Variants in TBL1XR1 observed in about 807,000 individuals in gnomAD.
The protein encoded by TBL1XR1 is F-box-like/WD repeat-containing protein TBL1XR1.
Under a neutral mutation model 66.9 loss-of-function variants are expected in TBL1XR1, and 5 were observed. The observed-to-expected ratio is 0.07, with a 90% CI of 0.04 to 0.16. TBL1XR1 has a LOEUF of 0.16. TBL1XR1 is among the 10% of genes least tolerant of loss of function. TBL1XR1 has a pLI of 1.00. For synonymous variants in TBL1XR1, 210 were observed against 206.0 expected, an observed-to-expected ratio of 1.02 and a Z score of -0.17; for missense variants, 238 against 623.2, an observed-to-expected ratio of 0.38 and a Z score of 6.58.
intron 1 of TBL1XR1, among the ~76,000 whole-genome samples, chr3:177,186,031 A>T (rs911273196): frequency 6.6e-6 from 1 of 152,096 alleles, no homozygotes; most frequent in African/African-American, 2.4e-5. Context: ...ATAAATAAAT[A>T]TAAGTAAATA....
intron 10 of TBL1XR1, chr3:177,044,798 C>T (rs1716097676): frequency 6.6e-6 from 1 of 152,054 alleles, no homozygotes; most frequent in Non-Finnish European, 1.5e-5. Flanking sequence ...CTAAAGGGGA[C>T]AGAAAGAGCA....
intron 2 of TBL1XR1, among the ~76,000 whole-genome samples, chr3:177,082,412 A>G (rs138364761): frequency 1.5e-3 from 235 of 152,074 alleles, no homozygotes; most frequent in African/African-American, 5.1e-3. Context: ...TAAAAATCTT[A>G]TATCTTGTAA....
chr3:177,095,495 A>G (rs1346428193), intron 2 of TBL1XR1, among the ~76,000 whole-genome samples: 2 of 70,476 alleles, frequency 2.8e-5, no homozygotes, highest in African/African-American at 7.8e-5. Flanking sequence ...GTGCAATTAG[A>G]TTTTTTTTTT....
chr3:177,158,225 T>G (rs896603903), intron 1 of TBL1XR1, among the ~76,000 whole-genome samples: 7 of 43,626 alleles, frequency 1.6e-4, no homozygotes, highest in African/African-American at 3.4e-4. Flanking sequence ...GATTTGTTTC[T>G]TTTCTTTTTT....
intron 2 of TBL1XR1, among the ~76,000 whole-genome samples, chr3:177,083,443 A>G (rs1196960790): frequency 6.6e-6 from 1 of 152,264 alleles, no homozygotes; most frequent in African/African-American, 2.4e-5. Flanking sequence ...GTCACAGCTT[A>G]ATGCACAGGC....
chr3:177,151,649 G>A (rs1027226963), intron 1 of TBL1XR1, among the ~76,000 whole-genome samples: 1 of 152,204 alleles, frequency 6.6e-6, no homozygotes, highest in Non-Finnish European at 1.5e-5. Flanking sequence ...CAGGCTGAGT[G>A]TGAAATCAGC....
intron 1 of TBL1XR1, among the ~76,000 whole-genome samples, chr3:177,175,974 G>A (rs963407323): frequency 4.0e-5 from 6 of 151,178 alleles, no homozygotes; most frequent in African/African-American, 9.7e-5. Flanking sequence ...GGAGAATGGC[G>A]GGTGAACCCA....
chr3:177,115,308 T>TG (rs1726176119), intron 1 of TBL1XR1, among the ~76,000 whole-genome samples: 1 of 152,328 alleles, frequency 6.6e-6, no homozygotes, highest in African/African-American at 2.4e-5. Context: ...CTTCACCTGA[T>TG]GGAGTCAGGT....
chr3:177,174,159 C>T (rs1259600675), intron 1 of TBL1XR1, among the ~76,000 whole-genome samples: 2 of 151,980 alleles, frequency 1.3e-5, no homozygotes, highest in Non-Finnish European at 2.9e-5. Flanking sequence ...CACGCCTGTA[C>T]TCCCAGCACT....
chr3:177,182,272 T>C (rs11924747), intron 1 of TBL1XR1, among the ~76,000 whole-genome samples: 2,408 of 152,090 alleles, frequency 0.016, 54 homozygotes, highest in African/African-American at 0.055. Context: ...TAGTCCCAGA[T>C]ACTCAAGAGG....
At chr3:177,179,017 G>A (rs142532623) in intron 1 of TBL1XR1, among the ~76,000 whole-genome samples, 160 of 151,476 alleles carry the variant, frequency 1.1e-3, no homozygotes, top group African/African-American at 3.6e-3. Context: ...CTCGGGAGGC[G>A]GAGGCAAGAG....
rs1719747474 is a variant in TBL1XR1 at position 177,069,936 on chromosome 3, G to A, written c.-45-4914C>T. The stretch of plus-strand genomic sequence containing the variant: ...TGGTTTCAACTGTGATCTAAGCCAG[G>A]GATCTGCAAACTACAGCCTGTATGT... On this transcript the variant is annotated intron_variant, in intron 2 of 15. Transcript: ENST00000457928. 2.0e-5 allele frequency among the ~76,000 whole-genome samples: 3 copies of A among 152,126 alleles called. No individual in the cohort carries two copies. In the South Asian group the frequency reaches 6.2e-4, roughly 31 times the overall value.
At chr3:177,119,871 ACCACTGC>A (rs1726774233) in intron 1 of TBL1XR1, among the ~76,000 whole-genome samples, 1 of 152,186 alleles carries the variant, frequency 6.6e-6, no homozygotes, top group Admixed American at 6.5e-5. Context: ...TTGTAATGCA[ACCACTGC>A]CCTTGGTATT....
Position 177,133,006 on chromosome 3 carries a change from C to T in TBL1XR1, c.-121-34465G>A, listed in dbSNP as rs932631486. Among the ~76,000 whole-genome samples the T allele has an allele frequency of 3.9e-5, 6 of 152,210 alleles. No homozygotes were observed. The South Asian group carries it at 8.3e-4, about 21-fold the overall frequency. On this transcript the variant is annotated intron_variant, in intron 1 of 15. Coordinates refer to ENST00000457928, the MANE Select transcript of TBL1XR1 (RefSeq NM_024665.7). ...ATTTCACTACTTAAAATAAATGAAT[C>T]GGCCAGGTGCGGTGGCTCACGCCTG...
rs781587077 is a variant in TBL1XR1, at chr3:177,026,353, A to G, written c.1518+20T>C. 1.1e-5 allele frequency: 17 copies of G among 1,600,282 alleles called. No homozygotes were observed. Among genetic ancestry groups the G allele is most frequent in the Middle Eastern group, 3.3e-4 (2 of 6,042 alleles). ...GAATACCCACCCACACCCTCTTTGG[A>G]AACACTTTACTATACTTACTGAACC... On this transcript the variant is annotated intron_variant, in intron 15 of 15. Transcript: ENST00000457928.
intron 2 of TBL1XR1, among the ~76,000 whole-genome samples, chr3:177,075,271 G>T (rs539002291): frequency 2.0e-5 from 3 of 152,314 alleles, no homozygotes; most frequent in Admixed American, 6.5e-5. Flanking sequence ...CTTGCTTTGT[G>T]TCTGAGTCTT....
intron 12 of TBL1XR1, chr3:177,037,356 T>C (rs1714942228): frequency 6.6e-6 from 1 of 152,232 alleles, no homozygotes; most frequent in African/African-American, 2.4e-5. Flanking sequence ...CTATTGGTGA[T>C]GTCTAATTTT....
At chr3:177,067,915 C>A (rs573357985) in intron 2 of TBL1XR1, among the ~76,000 whole-genome samples, 95 of 152,252 alleles carry the variant, frequency 6.2e-4, no homozygotes, top group Non-Finnish European at 1.2e-3. Flanking sequence ...CGCATGAGTA[C>A]TAAATACTAG....
intron 10 of TBL1XR1, among the ~76,000 whole-genome samples, chr3:177,043,972 C>A (rs1461317549): frequency 6.6e-6 from 1 of 152,086 alleles, no homozygotes; most frequent in Non-Finnish European, 1.5e-5. Context: ...TACCTTTTTA[C>A]CTAAGATTCT....
Sources: allele counts gnomAD v4.1 joint callset (sites outside exome capture counted in the v4.1 genomes callset), GRCh38; gene constraint gnomAD v4.1.1; transcripts MANE v1.5; gene names NCBI Gene and HGNC (gene_info 2026-07-23, HGNC 2026-07-21).